VPS13B: variants seen among roughly 807,000 people sequenced by gnomAD.
The protein encoded by VPS13B is vacuolar protein sorting 13 homolog B.
A neutral mutation model predicts 426.4 loss-of-function variants in VPS13B; 285 were observed. That is an observed-to-expected ratio of 0.67 (90% CI 0.61 to 0.74). The LOEUF (loss-of-function observed/expected upper bound fraction) is 0.74. Ranked by LOEUF, VPS13B falls within the 30% of genes least tolerant of loss-of-function variation. The pLI, the probability that VPS13B is intolerant of heterozygous loss-of-function variation, is 0.00. For missense variants in VPS13B, 4,537 were observed against 4,782.6 expected, an observed-to-expected ratio of 0.95 and a Z score of 1.51; for synonymous variants, 1,676 against 1,676.4, an observed-to-expected ratio of 1.00 and a Z score of 0.01.
At position 99,481,847 on chromosome 8, in the gene VPS13B, T is replaced by C. The variant is rs746603078; in HGVS notation, c.3870+45T>C. The stretch of plus-strand genomic sequence containing the variant: ...CTGTTACAAAATGAAGGTTAATATA[T>C]AACACAGATTTCCAGATCATGGTTT... On this transcript the variant is annotated intron_variant, in intron 25 of 61. Transcript: ENST00000357162. 4.8e-5 allele frequency: 76 copies of C among 1,595,340 alleles called. 1 individual carries two copies. The Admixed American group carries it at 1.2e-3, about 26-fold the overall frequency.
intron 8 of VPS13B, among the ~76,000 whole-genome samples, chr8:99,124,516 C>T (rs1848096519): frequency 6.6e-6 from 1 of 152,112 alleles, no homozygotes; most frequent in African/African-American, 2.4e-5. Context: ...TGGAAACAAT[C>T]CATATGTTCA....
intron 23 of VPS13B, among the ~76,000 whole-genome samples, chr8:99,442,881 C>T (rs1554793863): frequency 1.3e-5 from 2 of 151,678 alleles, no homozygotes; most frequent in Non-Finnish European, 1.5e-5. Flanking sequence ...AAAATGTAAA[C>T]GTAGGAAAAA....
intron 35 of VPS13B, among the ~76,000 whole-genome samples, chr8:99,671,818 G>A (rs1240929641): frequency 6.6e-6 from 1 of 152,062 alleles, no homozygotes. Flanking sequence ...TGAGAGATAA[G>A]GATCTACTTT....
intron 7 of VPS13B, chr8:99,120,261 A>G (rs2132512632): frequency 6.6e-6 from 1 of 151,462 alleles, no homozygotes; most frequent in South Asian, 2.1e-4. Flanking sequence ...CATGTTGCTC[A>G]GGCTGGTCTC....
At position 99,269,968 on chromosome 8, in the gene VPS13B, TAAA is replaced by T. The variant is rs558094068; in HGVS notation, c.2516-4226_2516-4224del. On this transcript the variant is annotated intron_variant, in intron 17 of 61. Coordinates refer to ENST00000357162, the MANE Select transcript of VPS13B (RefSeq NM_152564.5). ...TTAGCACTAAAAACAAATTACTTTA[TAAA>T]AAACTTTTCTTAAGGAGAAATTATG... Among the ~76,000 whole-genome samples the T allele has an allele frequency of 1.5e-3, 227 of 151,894 alleles. 2 individuals carry two copies. Among genetic ancestry groups the T allele is most frequent in the Non-Finnish European group, 1.7e-3 (118 of 67,954 alleles).
intron 3 of VPS13B, among the ~76,000 whole-genome samples, chr8:99,065,883 G>A (rs1844471036): frequency 1.3e-5 from 2 of 152,162 alleles, no homozygotes; most frequent in South Asian, 4.1e-4. Flanking sequence ...GCCAAATCAT[G>A]AGTGAACTCC....
chr8:99,573,537 C>T (rs1000870281), intron 31 of VPS13B, among the ~76,000 whole-genome samples: 2 of 152,192 alleles, frequency 1.3e-5, no homozygotes, highest in Admixed American at 6.5e-5. Context: ...GTTTTCCCAG[C>T]ACCATTTATT....
chr8:99,828,457 A>G (rs985299416), intron 51 of VPS13B, among the ~76,000 whole-genome samples: 2 of 79,896 alleles, frequency 2.5e-5, no homozygotes, highest in African/African-American at 9.8e-5. Flanking sequence ...CTTGGTAAAT[A>G]TTCCTCCATC....
chr8:99,846,942 G>T (rs960447638), intron 54 of VPS13B, among the ~76,000 whole-genome samples: 1 of 152,074 alleles, frequency 6.6e-6, no homozygotes, highest in South Asian at 2.1e-4. Flanking sequence ...TGGGAGCATG[G>T]GACTTAAAAA....
chr8:99,760,149 T>A (rs996313891), intron 39 of VPS13B, among the ~76,000 whole-genome samples: 1 of 151,822 alleles, frequency 6.6e-6, no homozygotes, highest in Non-Finnish European at 1.5e-5. Context: ...GCTATTTTTT[T>A]ATTATTATTA....
intron 25 of VPS13B, among the ~76,000 whole-genome samples, chr8:99,492,049 G>T (rs1426754422): frequency 2.0e-5 from 3 of 152,166 alleles, no homozygotes; most frequent in African/African-American, 7.2e-5. Flanking sequence ...GGGTTTTGGT[G>T]TGGATGTCCT....
At chr8:99,434,366 T>A (rs1433271945) in intron 22 of VPS13B, among the ~76,000 whole-genome samples, 6 of 152,204 alleles carry the variant, frequency 3.9e-5, no homozygotes, top group African/African-American at 1.4e-4. Flanking sequence ...TGGTCAACAC[T>A]TTTATTGCGG....
chr8:99,070,215 C>T (rs938800287), intron 3 of VPS13B, among the ~76,000 whole-genome samples: 1 of 152,160 alleles, frequency 6.6e-6, no homozygotes, highest in East Asian at 1.9e-4. Flanking sequence ...CACCTGGCCC[C>T]ATGAAATTTT....
intron 21 of VPS13B, among the ~76,000 whole-genome samples, chr8:99,397,915 CT>C (rs1814826538): frequency 6.6e-6 from 1 of 152,136 alleles, no homozygotes; most frequent in Non-Finnish European, 1.5e-5. Flanking sequence ...AGTATGTAAT[CT>C]TTAAGGCCAT....
chr8:99,171,901 T>C (rs1449041939), intron 16 of VPS13B, among the ~76,000 whole-genome samples: 1 of 152,136 alleles, frequency 6.6e-6, no homozygotes, highest in Non-Finnish European at 1.5e-5. Context: ...TTAAGCAGTA[T>C]GTCCTATAAG....
At chr8:99,271,694 G>A (rs909855862) in intron 17 of VPS13B, among the ~76,000 whole-genome samples, 3 of 152,178 alleles carry the variant, frequency 2.0e-5, no homozygotes, top group African/African-American at 4.8e-5. Context: ...GGCAGAATGC[G>A]AAGGGGAAGC....
At chr8:99,129,569 T>TAAA (rs36029878) in intron 8 of VPS13B, among the ~76,000 whole-genome samples, 3 of 79,106 alleles carry the variant, frequency 3.8e-5, no homozygotes, top group Admixed American at 1.5e-4. Context: ...TGTGTCTCCT[T>TAAA]AAAAAAAAAA....
chr8:99,641,645 G>T (rs1829366493), intron 33 of VPS13B, among the ~76,000 whole-genome samples, 166 bp from the exon 34 acceptor site: 1 of 152,082 alleles, frequency 6.6e-6, no homozygotes, highest in South Asian at 2.1e-4. Context: ...GATTTTAGGG[G>T]TCTGGTGTAG....
chr8:99,202,133 T>C (rs896347654), intron 17 of VPS13B, among the ~76,000 whole-genome samples: 1 of 152,220 alleles, frequency 6.6e-6, no homozygotes, highest in African/African-American at 2.4e-5. Context: ...GTCAGAATTG[T>C]AGTCTAGGTG....
Sources: allele counts gnomAD v4.1 joint callset (sites outside exome capture counted in the v4.1 genomes callset), GRCh38; gene constraint gnomAD v4.1.1; transcripts MANE v1.5; gene names NCBI Gene and HGNC (gene_info 2026-07-23, HGNC 2026-07-21).